The following CP variants were observed in gnomAD, a reference collection of about 807,000 sequenced individuals.
CP encodes caeruloplasmin.
In CP, 64 loss-of-function variants were observed where a neutral mutation model predicts 122.4. The observed-to-expected ratio is 0.52, with a 90% confidence interval of 0.43 to 0.64. CP has a LOEUF of 0.64. CP is among the 30% of genes least tolerant of loss of function. CP has a pLI of 0.00. For synonymous variants in CP, 440 were observed against 436.4 expected, an observed-to-expected ratio of 1.01 and a Z score of -0.10; for missense variants, 1,167 against 1,284.4, an observed-to-expected ratio of 0.91 and a Z score of 1.40.
intron 9 of CP, among the ~76,000 whole-genome samples, chr3:149,197,786 G>C (rs945561270): frequency 1.3e-5 from 2 of 152,180 alleles, no homozygotes; most frequent in East Asian, 1.9e-4. Context: ...ATTTGCGCTC[G>C]TATGAGAATC....
chr3:149,178,006 A>G, intron 16 of CP, 27 bp from the exon 17 acceptor site: 1 of 1,603,304 alleles, frequency 6.2e-7, no homozygotes, highest in East Asian at 2.2e-5. Flanking sequence ...GTTTTATGTT[A>G]CTTTTCAGGA....
In CP at chr3:149,209,208, T is replaced by G. The variant is rs751434096; in HGVS notation, c.781+3A>C. 1.2e-6 allele frequency: 2 copies of G among 1,613,578 alleles called. No homozygotes were observed. Among genetic ancestry groups the G allele is most frequent in the South Asian group, 2.2e-5 (2 of 91,062 alleles). ...AAAGTTAACATGTCTGCTGTAATCT[T>G]ACAATACATTCTGTTACTCTCCTGG... On this transcript the variant is annotated splice_donor_region_variant and intron_variant, in intron 4 of 18. Transcript: ENST00000264613.
intron 5 of CP, chr3:149,162,894 A>AAT: frequency 6.3e-7 from 1 of 1,598,554 alleles, no homozygotes; most frequent in Non-Finnish European, 8.6e-7. Context: ...ATAATGGAAT[A>AAT]ATACCTTAAA....
chr3:149,181,706 G>T (rs1725786361), intron 14 of CP, among the ~76,000 whole-genome samples: 1 of 152,206 alleles, frequency 6.6e-6, no homozygotes, highest in African/African-American at 2.4e-5. Flanking sequence ...TGGTGTGGTA[G>T]ATGCCATTTG....
Position 149,190,654 on chromosome 3 carries a change from T to C in CP, c.1714-2452A>G, listed in dbSNP as rs1359132908. On this transcript the variant is annotated intron_variant, in intron 9 of 18. Transcript: ENST00000264613. ...GCCTGGGCGACAGAGGAAGACTCTG[T>C]CTAAAAAAAAAAAAAAAAAAAAAAG... is the stretch of plus-strand genomic sequence containing the variant. Among the ~76,000 whole-genome samples, 6 of 119,398 alleles carry C rather than the reference T, an allele frequency of 5.0e-5. No individual in the cohort carries two copies. The Admixed American group carries it at 5.5e-4, about 11-fold the overall frequency. 78.3% of individuals were successfully genotyped at this position (119,398 alleles called of 152,430 possible).
downstream of CP, among the ~76,000 whole-genome samples, chr3:149,169,454 A>G (rs1164167344): frequency 6.6e-6 from 1 of 152,238 alleles, no homozygotes; most frequent in Non-Finnish European, 1.5e-5. Context: ...GAGGTTGGAG[A>G]TGAAGCTCAG....
chr3:149,212,642 TTA>T lies in CP; in HGVS notation c.201_202del (p.Tyr67Ter). 6.2e-7 allele frequency: 1 copy of T among 1,613,888 alleles called. No individual in the cohort carries two copies. Among genetic ancestry groups the T allele is most frequent in the Non-Finnish European group, 8.5e-7 (1 of 1,179,916 alleles). ...TGTGTACTGAAGATAAAGGGCCTTC[TTA>T]TATAGTCTCCCAATTCTATCTGGGC... On this transcript the variant is annotated stop_gained and frameshift_variant, in exon 2 of 19. Coordinates refer to ENST00000264613, the MANE Select transcript of CP (RefSeq NM_000096.4). LOFTEE classifies it high-confidence loss of function.
chr3:149,186,358 CT>C, intron 11 of CP, 161 bp downstream of exon 11: 1 of 701,042 alleles, frequency 1.4e-6, no homozygotes, highest in Non-Finnish European at 2.6e-6. Flanking sequence ...CTGGTACATA[CT>C]TCAGCTGATA....
At chr3:149,192,316 A>G (rs1726591289) in intron 9 of CP, among the ~76,000 whole-genome samples, 1 of 152,070 alleles carries the variant, frequency 6.6e-6, no homozygotes, top group Non-Finnish European at 1.5e-5. Context: ...TTGTTAATAT[A>G]TAATGCTCAG....
chr3:149,221,117 C>CT (rs1458464049), intron 1 of CP, among the ~76,000 whole-genome samples: 1 of 152,146 alleles, frequency 6.6e-6, no homozygotes, highest in Non-Finnish European at 1.5e-5. Context: ...ACCCTATGAG[C>CT]TATGCTTATT....
chr3:149,167,119 G>T (rs1326919741), intron 4 of CP: 1 of 1,613,914 alleles, frequency 6.2e-7, no homozygotes, highest in Non-Finnish European at 8.5e-7. Flanking sequence ...GCCGGCCTCA[G>T]TGTCCATGTT....
chr3:149,197,154 C>T lies in CP; in HGVS notation c.1713+1213G>A, dbSNP rs11920882. On this transcript the variant is annotated intron_variant, in intron 9 of 18. Coordinates refer to ENST00000264613, the MANE Select transcript of CP (RefSeq NM_000096.4). ...AAACGGCCCCACACTTATCTCCCTT[C>T]GCTGACTCTCTTTTCGGACTCAGCC... 4.0e-3 allele frequency among the ~76,000 whole-genome samples: 604 copies of T among 152,220 alleles called. 2 individuals carry two copies. Among genetic ancestry groups the T allele is most frequent in the African/African-American group, 0.013 (560 of 41,526 alleles).
intron 14 of CP, 30 bp downstream of exon 14, chr3:149,181,975 C>CGGGGGGGGGGGGGGGGGGG: frequency 2.8e-6 from 3 of 1,088,424 alleles, no homozygotes; most frequent in Non-Finnish European, 4.1e-6. Context: ...TGTTAAAATG[C>CGGGGGGGGGGGGGGGGGGG]ACCACCCCCA....
downstream of CP, chr3:149,167,886 A>G: frequency 6.5e-7 from 1 of 1,544,704 alleles, no homozygotes; most frequent in Non-Finnish European, 9.0e-7. Flanking sequence ...ATTTTTTCCT[A>G]AGATAGACTC....
intron 9 of CP, among the ~76,000 whole-genome samples, chr3:149,197,604 A>T (rs1437640002): frequency 6.6e-6 from 1 of 152,122 alleles, no homozygotes; most frequent in Non-Finnish European, 1.5e-5. Context: ...TGTTTTAGCG[A>T]TCCCCAACAT....
At position 149,183,455 on chromosome 3, in the gene CP, T is replaced by C; in HGVS notation, c.2425+11A>G. 2 of 1,610,842 alleles carry C rather than the reference T, an allele frequency of 1.2e-6. No homozygotes were observed. Among genetic ancestry groups the C allele is most frequent in the Non-Finnish European group, 8.5e-7 (1 of 1,179,636 alleles). ...TAACCCACACCTGATAAACTGGAGA[T>C]ATTAACATACCTAGAATTCCCAGAT... On this transcript the variant is annotated intron_variant, in intron 13 of 18. Transcript: ENST00000264613.
chr3:149,176,389 A>T lies in CP; in HGVS notation c.3042T>A (p.Asp1014Glu). 1 of 1,612,248 alleles carries T rather than the reference A, an allele frequency of 6.2e-7. No homozygotes were observed. Residue 1014 changes from aspartate (D) to glutamate (E), a missense_variant, in exon 18 of 19, where the codon GAT becomes GAA. Asp to Glu is a conservative substitution (Grantham distance 45). Around this residue, in one of 2 missense-constraint regions of CP, gnomAD observed 525 missense variants for 657.2 expected, o/e 0.80. Coordinates refer to ENST00000264613, the MANE Select transcript of CP (RefSeq NM_000096.4). ...ATGTTCCAGGGAAAATGTCAAAGAC[A>T]TCAGAACTATAAACTCCCCTGTGCT... ...QYKHRGVYSS[D>E]VFDIFPGTYQ...
At chr3:149,211,943 C>T (rs1301011344) in intron 2 of CP, among the ~76,000 whole-genome samples, 3 of 152,150 alleles carry the variant, frequency 2.0e-5, no homozygotes, top group South Asian at 2.1e-4. Context: ...ACACTTTCCA[C>T]GAAAGAGCAC....
chr3:149,212,455 A>G lies in CP; in HGVS notation c.390T>C (p.His130=), dbSNP rs563241895. 6.2e-7 allele frequency: 1 copy of G among 1,613,980 alleles called. No homozygotes were observed. Among genetic ancestry groups the G allele is most frequent in the Non-Finnish European group, 8.5e-7 (1 of 1,179,956 alleles). The part of the protein sequence containing the change: ...HSHGITYYKE[H]EGAIYPDNTT... ...AGCTACATGAGCTGAACTTACCCTC[A>G]TGTTCCTTATAGTAAGTTATTCCAT... Residue 130 remains histidine, a synonymous_variant, in exon 2 of 19, where the codon CAT becomes CAC. Transcript: ENST00000264613.
Sources: gnomAD v4.1 joint callset for allele counts (sites outside exome capture counted in the v4.1 genomes callset) on GRCh38, gnomAD v4.1.1 for gene constraint, gnomAD v4.1.1 regional missense constraint, MANE v1.5 for transcripts, NCBI Gene and HGNC (gene_info 2026-07-23, HGNC 2026-07-21) for gene names.